AXIN1: variants seen among roughly 807,000 people sequenced by gnomAD.
AXIN1 encodes axin-1.
AXIN1 carries 30 observed loss-of-function variants against 76.4 expected under a neutral mutation model. The observed-to-expected ratio is 0.39, with a 90% CI of 0.29 to 0.53. The LOEUF (loss-of-function observed/expected upper bound fraction) is 0.53. Ranked by LOEUF, AXIN1 falls within the 20% of genes least tolerant of loss-of-function variation. The pLI, the probability that AXIN1 is intolerant of heterozygous loss-of-function variation, is 0.66. For missense variants in AXIN1, 1,140 were observed against 1,198.8 expected (o/e 0.95, Z 0.72); for synonymous variants, 545 against 501.4 (o/e 1.09, Z -1.16).
At chr16:349,296 C>T (rs1046869264) in intron 1 of AXIN1, among the ~76,000 whole-genome samples, 2 of 152,200 alleles carry the variant, frequency 1.3e-5, no homozygotes, top group Admixed American at 1.3e-4. Context: ...GCCCAGTGAG[C>T]TGTGACATCC....
At chr16:334,400 AG>A (rs1275117668) in intron 2 of AXIN1, among the ~76,000 whole-genome samples, 1 of 151,062 alleles carries the variant, frequency 6.6e-6, no homozygotes, top group East Asian at 2.0e-4. Flanking sequence ...CCAATAACCC[AG>A]CACCCAGTAC....
At chr16:292,418 G>A (rs2052588777) in intron 8 of AXIN1, 1 of 152,272 alleles carries the variant, frequency 6.6e-6, no homozygotes, top group Non-Finnish European at 1.5e-5. Context: ...AACCTTTAAT[G>A]ACTTGAGACC....
chr16:337,972 G>C (rs1447676835), intron 2 of AXIN1, among the ~76,000 whole-genome samples: 1 of 152,222 alleles, frequency 6.6e-6, no homozygotes, highest in Non-Finnish European at 1.5e-5. Flanking sequence ...TGGGTTCTGA[G>C]AGAACCCTGA....
chr16:299,056 C>T (rs915121804), intron 5 of AXIN1: 62 of 985,068 alleles, frequency 6.3e-5, no homozygotes, highest in Non-Finnish European at 2.5e-5. Context: ...CATGAGCCGC[C>T]GCGCCCGGCC....
intron 7 of AXIN1, among the ~76,000 whole-genome samples, chr16:296,581 C>G (rs190414115): frequency 1.3e-5 from 2 of 152,214 alleles, no homozygotes; most frequent in Non-Finnish European, 2.9e-5. Flanking sequence ...ACACCACACA[C>G]GAGGCCTCTG....
intron 1 of AXIN1, among the ~76,000 whole-genome samples, chr16:348,434 C>T (rs567932701): frequency 6.6e-6 from 1 of 152,368 alleles, no homozygotes; most frequent in South Asian, 2.1e-4. Context: ...TATGTGGAAT[C>T]TGTCCCCCAC....
chr16:292,826 C>G (rs1282690577), intron 8 of AXIN1: 1 of 152,262 alleles, frequency 6.6e-6, no homozygotes, highest in Non-Finnish European at 1.5e-5. Flanking sequence ...CAGAAGCCTC[C>G]CTGCCCTAGG....
chr16:304,570 T>G (rs2052967412), intron 4 of AXIN1, 129 bp from the exon 5 acceptor site: 1 of 1,417,694 alleles, frequency 7.1e-7, no homozygotes. Context: ...ACTCTTGCTC[T>G]GTCACCCAGG....
intron 2 of AXIN1, among the ~76,000 whole-genome samples, chr16:341,037 G>A (rs570582810): frequency 6.6e-6 from 1 of 152,256 alleles, no homozygotes; most frequent in Non-Finnish European, 1.5e-5. Context: ...GTCAGCACCC[G>A]AGGGCTGGCC....
Position 297,780 on chromosome 16 carries a change from G to A in AXIN1, c.1726C>T (p.Arg576Ter), listed in dbSNP as rs754357905. Residue 576 changes from arginine to a stop codon, truncating the protein, a stop_gained, in exon 6 of 11, where the codon CGA becomes TGA. Transcript: ENST00000262320. LOFTEE classifies it high-confidence loss of function. Reference sequence around the variant, plus strand: ...GCGCCAACACTCTCTGAGTAGCCTCGGGACCTTGCCCCATGGCTGTGTGGT... The same window carrying A: ...GCGCCAACACTCTCTGAGTAGCCTCAGGACCTTGCCCCATGGCTGTGTGGT... The part of the protein sequence containing the change: ...LEPHSHGARS[R>*]GYSESVGAAP... The A allele has an allele frequency of 6.3e-7, 1 of 1,575,662 alleles. No individual in the cohort carries two copies. The highest frequency in any genetic ancestry group is 8.6e-7 in the Non-Finnish European group (1 of 1,160,394).
intron 5 of AXIN1, among the ~76,000 whole-genome samples, chr16:301,637 T>A (rs1418910921): frequency 6.6e-6 from 1 of 152,170 alleles, no homozygotes; most frequent in Non-Finnish European, 1.5e-5. Context: ...CAAAAATATT[T>A]TTTTTAAAAA....
chr16:329,570 C>T (rs977064764), intron 2 of AXIN1, among the ~76,000 whole-genome samples: 25 of 151,992 alleles, frequency 1.6e-4, no homozygotes, highest in African/African-American at 6.0e-4. Context: ...CTCAGCCTCC[C>T]GAGTAGATGG....
chr16:334,402 C>T (rs1230450636), intron 2 of AXIN1, among the ~76,000 whole-genome samples: 1 of 151,006 alleles, frequency 6.6e-6, no homozygotes, highest in African/African-American at 2.4e-5. Flanking sequence ...AATAACCCAG[C>T]ACCCAGTACC....
At chr16:318,611 AT>A (rs2053358860) in intron 2 of AXIN1, among the ~76,000 whole-genome samples, 1 of 152,144 alleles carries the variant, frequency 6.6e-6, no homozygotes, top group Non-Finnish European at 1.5e-5. Context: ...GAGTTCCAGG[AT>A]CCCCCCATAT....
chr16:310,172 TGAG>T, intron 3 of AXIN1, 103 bp from the exon 4 acceptor site: 1 of 1,009,592 alleles, frequency 9.9e-7, no homozygotes, highest in East Asian at 2.6e-5. Flanking sequence ...CAGGCAATGA[TGAG>T]GACACCTGTG....
Position 291,616 on chromosome 16 carries a change from C to G in AXIN1, c.2187-319G>C, listed in dbSNP as rs1455333309. On this transcript the variant is annotated intron_variant, in intron 8 of 10. Transcript: ENST00000262320. ...CTCATCCCCTCTGGTGGGATGACAT[C>G]TCGTCCCGAGAGTCTGTCCTTCAGT... The G allele has an allele frequency of 8.9e-6, 4 of 449,326 alleles. No homozygotes were observed. In the Admixed American group the frequency reaches 1.4e-4, roughly 16 times the overall value. 27.8% of individuals were successfully genotyped at this position (449,326 alleles called of 1,614,324 possible). A position where few individuals can be genotyped will look rare whatever the true frequency, so the allele number is the denominator to read the frequency against.
rs529767297 is a variant in AXIN1, at chr16:334,433, C to G, written c.878+11715G>C. Among the ~76,000 whole-genome samples, 462 of 150,954 alleles carry G rather than the reference C, an allele frequency of 3.1e-3. 5 individuals are homozygous for G. Among genetic ancestry groups the G allele is most frequent in the African/African-American group, 0.011 (437 of 40,772 alleles). ...GTACCATGGCATGCTAATTACACAG[C>G]ACCCAATACCACGGCATGCCAATAA... On this transcript the variant is annotated intron_variant, in intron 2 of 10. Coordinates refer to ENST00000262320, the MANE Select transcript of AXIN1 (RefSeq NM_003502.4).
intron 2 of AXIN1, among the ~76,000 whole-genome samples, chr16:336,351 G>A (rs1467847090): frequency 6.6e-6 from 1 of 152,186 alleles, no homozygotes; most frequent in East Asian, 1.9e-4. Context: ...AAGAGCCAGT[G>A]GACACAAGAT....
chr16:318,876 C>G (rs556676005), intron 2 of AXIN1, among the ~76,000 whole-genome samples: 7 of 151,824 alleles, frequency 4.6e-5, no homozygotes, highest in Middle Eastern at 6.9e-3. Flanking sequence ...GCTCTGACCC[C>G]TGGCTGTGCA....
Sources: gnomAD v4.1 joint callset for allele counts (sites outside exome capture counted in the v4.1 genomes callset) on GRCh38, gnomAD v4.1.1 for gene constraint, MANE v1.5 for transcripts, NCBI Gene and HGNC (gene_info 2026-07-23, HGNC 2026-07-21) for gene names.